Variants in KIRREL2 observed in about 807,000 individuals in gnomAD.
KIRREL2 encodes the protein kirre like nephrin family adhesion molecule 2, also known as kin of IRRE-like protein 2.
KIRREL2 carries 56 observed loss-of-function variants against 73.4 expected under a neutral mutation model. That is an observed-to-expected ratio of 0.76 (90% confidence interval 0.62 to 0.95). KIRREL2 has a LOEUF of 0.95. Ranked by LOEUF, KIRREL2 falls within the 40% of genes least tolerant of loss-of-function variation. The pLI, the probability that KIRREL2 is intolerant of heterozygous loss-of-function variation, is 0.00. For missense variants in KIRREL2, 896 were observed against 935.0 expected, an observed-to-expected ratio of 0.96 and a Z score of 0.54; for synonymous variants, 407 against 404.0, an observed-to-expected ratio of 1.01 and a Z score of -0.09.
At chr19:35,853,829 C>T (rs527294246), upstream of KIRREL2, among the ~76,000 whole-genome samples, 6 of 149,264 alleles carry the variant, frequency 4.0e-5, no homozygotes, top group African/African-American at 1.5e-4. Context: ...CGCATCACCA[C>T]TCTGGCTATT....
chr19:35,851,575 A>G, upstream of KIRREL2: 1 of 1,613,944 alleles, frequency 6.2e-7, no homozygotes. Context: ...TGACCCCACA[A>G]CGCAGCTCCA....
chr19:35,853,921 T>C (rs1057043448), upstream of KIRREL2, among the ~76,000 whole-genome samples: 1 of 145,580 alleles, frequency 6.9e-6, no homozygotes, highest in Non-Finnish European at 1.5e-5. Flanking sequence ...GTTGGCTCAC[T>C]GTAACCTCCG....
At chr19:35,861,783 C>A in intron 10 of KIRREL2, 22 bp from the exon 11 acceptor site, 1 of 1,588,396 alleles carries the variant, frequency 6.3e-7, no homozygotes, top group Non-Finnish European at 8.6e-7. Context: ...TCCTCCGTGT[C>A]CTCCCTCTTT....
At chr19:35,859,436 C>A in intron 4 of KIRREL2, 45 bp from the exon 5 acceptor site, 5 of 1,587,368 alleles carry the variant, frequency 3.1e-6, no homozygotes, top group African/African-American at 1.3e-5. Flanking sequence ...AGATTGGACA[C>A]CCCTGATGGG....
intron 11 of KIRREL2, 95 bp from the exon 12 acceptor site, chr19:35,862,398 A>C: frequency 1.1e-6 from 1 of 920,962 alleles, no homozygotes. Context: ...CAAATGTGCG[A>C]CCTTTTGAAC....
chr19:35,852,304 GTCTCTCTCTCTC>G (rs139954720), upstream of KIRREL2, among the ~76,000 whole-genome samples: 1 of 145,092 alleles, frequency 6.9e-6, no homozygotes, highest in Non-Finnish European at 1.5e-5. Context: ...CTCTCTCTCT[GTCTCTCTCTCTC>G]TCTCTCTCTC....
At chr19:35,860,225 G>C in intron 5 of KIRREL2, 72 bp from the exon 6 acceptor site, 2 of 1,262,984 alleles carry the variant, frequency 1.6e-6, no homozygotes, top group Non-Finnish European at 2.3e-6. Flanking sequence ...AGGAACCAGG[G>C]ACTGGACACC....
chr19:35,861,245 A>G lies in KIRREL2; in HGVS notation c.1180A>G (p.Thr394Ala). The G allele has an allele frequency of 6.5e-7, 1 of 1,530,592 alleles. No individual in the cohort carries two copies. Among genetic ancestry groups the G allele is most frequent in the Non-Finnish European group, 8.7e-7 (1 of 1,148,938 alleles). 94.8% of individuals were successfully genotyped at this position (1,530,592 alleles called of 1,614,324 possible). A position where few individuals can be genotyped will look rare whatever the true frequency, so the allele number is the denominator to read the frequency against. ...GGGCGGCGCCGCGGAGGCTCGGCTG[A>G]CTGTGAACGGTGAGAAGGCGGGGCT... ...LRGGAAEARL[T>A]VNAPPVVTAL... is the part of the protein sequence containing the mutation. Residue 394 changes from threonine (T) to alanine (A), a missense_variant, in exon 9 of 15, where the codon ACT (threonine) becomes GCT (alanine). By Grantham distance (58) the Thr-to-Ala change is moderately conservative. Transcript: ENST00000360202.
Position 35,860,384 on chromosome 19 carries a change from C to G in KIRREL2, c.761C>G (p.Pro254Arg). The G allele has an allele frequency of 6.2e-7, 1 of 1,613,558 alleles. No homozygotes were observed. Among genetic ancestry groups the G allele is most frequent in the Non-Finnish European group, 8.5e-7 (1 of 1,179,996 alleles). Residue 254 changes from proline to arginine, a missense_variant, in exon 6 of 15, where the codon CCT (proline) becomes CGT (arginine). Coordinates refer to ENST00000360202, the MANE Select transcript of KIRREL2 (RefSeq NM_199180.4). The part of the protein sequence containing the change: ...VIFLCQATAQ[P>R]PVTGYRWAKG... ...TTCCTGTGCCAGGCCACAGCCCAGC[C>G]TCCTGTCACAGGCTACAGGTGAGGA...
upstream of KIRREL2, among the ~76,000 whole-genome samples, chr19:35,856,124 G>C (rs1376695499): frequency 6.6e-6 from 1 of 152,182 alleles, no homozygotes; most frequent in Non-Finnish European, 1.5e-5. The surrounding 1 kb of genome is among the most constrained non-coding windows in gnomAD (Gnocchi z 5.9). Flanking sequence ...CAGGCTGCTC[G>C]GGGTCCCTCC....
rs566138562 is a variant in KIRREL2, at chr19:35,859,518, G to A, written c.560G>A (p.Ser187Asn). 5.6e-6 allele frequency: 9 copies of A among 1,614,152 alleles called. No homozygotes were observed. In the South Asian group the frequency reaches 7.7e-5, roughly 14 times the overall value. ...GAAGGGACCCCTGGGTCAGTGGAGA[G>A]CACCTTAACCCTGACCCCTTTCAGC... Reference protein sequence around the residue: ...LKEGTPGSVESTLTLTPFSHD... With the variant: ...LKEGTPGSVENTLTLTPFSHD... Residue 187 changes from serine to asparagine, a missense_variant, in exon 5 of 15, where the codon AGC (serine) becomes AAC (asparagine). Transcript: ENST00000360202.
intron 12 of KIRREL2, 27 bp downstream of exon 12, chr19:35,862,624 C>T: frequency 6.5e-7 from 1 of 1,544,218 alleles, no homozygotes; most frequent in Non-Finnish European, 8.9e-7. Context: ...CGCCCCGGCT[C>T]CCGAGGCCCC....
chr19:35,859,108 C>T (rs576766221), intron 4 of KIRREL2, among the ~76,000 whole-genome samples: 7 of 152,264 alleles, frequency 4.6e-5, no homozygotes, highest in African/African-American at 1.7e-4. Context: ...CCTCAGTTGC[C>T]TTATCTATAC....
intron 9 of KIRREL2, 68 bp downstream of exon 9, chr19:35,861,322 G>A: frequency 1.3e-6 from 2 of 1,508,546 alleles, no homozygotes; most frequent in South Asian, 1.3e-5. Flanking sequence ...AGGGGGCAAG[G>A]GCTAATGCAG....
In KIRREL2 at chr19:35,858,384, T is replaced by C. The variant is rs142794759; in HGVS notation, c.212-24T>C. The C allele has an allele frequency of 2.2e-3, 3,454 of 1,606,492 alleles. 68 individuals carry two copies. In the African/African-American group the frequency reaches 0.04, roughly 19 times the overall value. ...CCAGGATTTCAGAACCATGGTGTGC[T>C]GACTGCCTTCTCCCTGACTCCAGGG... On this transcript the variant is annotated intron_variant, in intron 2 of 14. Coordinates refer to ENST00000360202, the MANE Select transcript of KIRREL2 (RefSeq NM_199180.4).
rs755053991 is a variant in KIRREL2 at position 35,856,987 on chromosome 19, G to C, written c.-133G>C. The C allele has an allele frequency of 2.2e-6, 2 of 921,308 alleles. No homozygotes were observed. Among genetic ancestry groups the C allele is most frequent in the Non-Finnish European group, 3.5e-6 (2 of 565,774 alleles). The allele number at this position is 921,308 out of a possible 1,614,324, so 57.1% of individuals were successfully genotyped here. ...GATGAGCAGACTTGGAGGACTCCAG[G>C]CCAGAGACTAGGCTGGGCGAAGAGT... On this transcript the variant is annotated 5_prime_UTR_variant, in exon 1 of 15. Coordinates refer to ENST00000360202, the MANE Select transcript of KIRREL2 (RefSeq NM_199180.4). The surrounding 1 kb of genome is among the most constrained non-coding windows in gnomAD (Gnocchi z 5.9).
intron 2 of KIRREL2, among the ~76,000 whole-genome samples, chr19:35,858,066 GACAC>G (rs1276342517): frequency 6.6e-6 from 1 of 150,964 alleles, no homozygotes; most frequent in Non-Finnish European, 1.5e-5. Flanking sequence ...AAATAAAATA[GACAC>G]ACACAGCCAA....
At chr19:35,852,487 C>T (rs1973295160), upstream of KIRREL2, among the ~76,000 whole-genome samples, 1 of 152,158 alleles carries the variant, frequency 6.6e-6, no homozygotes, top group African/African-American at 2.4e-5. Context: ...CTCTCTGACC[C>T]AGCTTGAGCT....
intron 13 of KIRREL2, 113 bp downstream of exon 13, chr19:35,863,149 C>G: frequency 3.1e-6 from 2 of 639,784 alleles, no homozygotes; most frequent in Non-Finnish European, 5.5e-6. Flanking sequence ...TGGTGCCTGA[C>G]GTTGGTAATA....
Sources: allele counts gnomAD v4.1 joint callset (sites outside exome capture counted in the v4.1 genomes callset), GRCh38; gene constraint gnomAD v4.1.1; non-coding constraint Gnocchi (gnomAD v3.1); transcripts MANE v1.5; gene names NCBI Gene and HGNC (gene_info 2026-07-23, HGNC 2026-07-21).